Variants in LGR4 observed in about 807,000 individuals in gnomAD.
LGR4 encodes leucine rich repeat containing G protein-coupled receptor 4, also known as leucine-rich repeat-containing G protein-coupled receptor 4.
LGR4 carries 44 observed loss-of-function variants against 84.8 expected under a neutral mutation model. The ratio of observed to expected loss-of-function variants is 0.52; its 90% CI spans 0.41 to 0.67. The LOEUF is 0.67. Ranked by LOEUF, LGR4 falls within the 30% of genes least tolerant of loss-of-function variation. The pLI, the probability that LGR4 is intolerant of heterozygous loss-of-function variation, is 0.00. For synonymous variants in LGR4, 429 were observed against 434.3 expected, an observed-to-expected ratio of 0.99 and a Z score of 0.15; for missense variants, 1,032 against 1,131.4, an observed-to-expected ratio of 0.91 and a Z score of 1.26.
Position 27,385,240 on chromosome 11 carries a change from G to A in LGR4, c.617+13C>T, listed in dbSNP as rs750957326. The A allele has an allele frequency of 1.7e-5, 25 of 1,505,256 alleles. No individual in the cohort carries two copies. The highest frequency in any genetic ancestry group is 9.0e-7 in the Non-Finnish European group (1 of 1,111,444). 93.2% of individuals were successfully genotyped at this position (1,505,256 alleles called of 1,614,324 possible). ...AACACAAATATATGGAATTAAAAGG[G>A]ATAGATACTTACAGAACTACCAGGC... is the stretch of plus-strand genomic sequence containing the variant. On this transcript the variant is annotated intron_variant, in intron 5 of 17. Transcript: ENST00000379214.
At chr11:27,381,308 T>C (rs1863088071) in intron 7 of LGR4, among the ~76,000 whole-genome samples, 1 of 152,228 alleles carries the variant, frequency 6.6e-6, no homozygotes, top group African/African-American at 2.4e-5. Flanking sequence ...GCAATGCATC[T>C]TAGAATGTTA....
chr11:27,369,012 G>A lies in LGR4; in HGVS notation c.1711C>T (p.Pro571Ser), dbSNP rs765192487. Residue 571 changes from proline to serine, a missense_variant, in exon 18 of 18, where the codon CCT becomes TCT. By Grantham distance (74) the Pro-to-Ser change is moderately conservative (BLOSUM62 -1). Coordinates refer to ENST00000379214, the MANE Select transcript of LGR4 (RefSeq NM_018490.5). ...AAGCCTATAAACAATTTGGACGAAG[G>A]CAGTGATGTACAAGATGCAAATGTT... ...LTTFASCTSLPSSKLFIGLIS... is the reference protein window; with the variant it reads ...LTTFASCTSLSSSKLFIGLIS... 4.3e-6 allele frequency: 7 copies of A among 1,613,938 alleles called. No homozygotes were observed. The highest frequency in any genetic ancestry group is 4.2e-6 in the Non-Finnish European group (5 of 1,179,984).
At position 27,376,335 on chromosome 11, in the gene LGR4, T is replaced by C. The variant is rs761570797; in HGVS notation, c.1145A>G (p.Glu382Gly). ...AGATATCAGGCCTTGAAAGGTGCCT[T>C]CCTTTATTTGGTAGATTTGATTACG... is the stretch of plus-strand genomic sequence containing the variant. ...LQRNQIYQIKEGTFQGLISLR... is the reference protein window; with the variant it reads ...LQRNQIYQIKGGTFQGLISLR... Residue 382 changes from glutamate (E) to glycine (G), a missense_variant, in exon 13 of 18, where the codon GAA becomes GGA. Transcript: ENST00000379214. The C allele has an allele frequency of 1.9e-6, 3 of 1,581,914 alleles. No homozygotes were observed. The highest frequency in any genetic ancestry group is 2.6e-6 in the Non-Finnish European group (3 of 1,156,148).
intron 1 of LGR4, among the ~76,000 whole-genome samples, chr11:27,463,244 C>A (rs1200706782): frequency 6.6e-6 from 1 of 151,780 alleles, no homozygotes; most frequent in African/African-American, 2.4e-5. Context: ...ACAGTGAGAT[C>A]CTGTCTCAAA....
chr11:27,384,455 A>C, intron 5 of LGR4, 48 bp from the exon 6 acceptor site: 1 of 1,248,282 alleles, frequency 8.0e-7, no homozygotes, highest in Non-Finnish European at 1.2e-6. Flanking sequence ...TCCCATTGGC[A>C]ACTATTATCA....
intron 1 of LGR4, among the ~76,000 whole-genome samples, chr11:27,445,414 A>T (rs2133437671): frequency 6.6e-6 from 1 of 152,326 alleles, no homozygotes. Flanking sequence ...CTGAGCTTAA[A>T]ATGGAGATAA....
At chr11:27,427,081 G>T (rs934215244) in intron 1 of LGR4, among the ~76,000 whole-genome samples, 1 of 152,108 alleles carries the variant, frequency 6.6e-6, no homozygotes, top group African/African-American at 2.4e-5. Context: ...GTCTCTTCTT[G>T]CTTATTAATA....
intron 13 of LGR4, among the ~76,000 whole-genome samples, chr11:27,375,556 G>C (rs958555190): frequency 2.0e-5 from 3 of 152,146 alleles, no homozygotes; most frequent in Non-Finnish European, 4.4e-5. Context: ...TTCTTCTGTA[G>C]AAGGCCAGAT....
intron 1 of LGR4, among the ~76,000 whole-genome samples, chr11:27,459,200 GC>G (rs1185844816): frequency 3.3e-5 from 5 of 152,072 alleles, no homozygotes; most frequent in African/African-American, 1.2e-4. Context: ...TAAATATGTG[GC>G]TATATCTGAG....
intron 2 of LGR4, among the ~76,000 whole-genome samples, chr11:27,401,877 C>T (rs1392682841): frequency 1.3e-5 from 2 of 152,166 alleles, no homozygotes; most frequent in East Asian, 1.9e-4. Context: ...TAAGTACACA[C>T]TGACACACTT....
At chr11:27,396,731 T>C (rs1280123168) in intron 2 of LGR4, among the ~76,000 whole-genome samples, 1 of 152,160 alleles carries the variant, frequency 6.6e-6, no homozygotes, top group Admixed American at 6.5e-5. Flanking sequence ...ACCTTTTTCA[T>C]TGACTAAATC....
intron 1 of LGR4, among the ~76,000 whole-genome samples, chr11:27,455,944 G>C (rs1211229652): frequency 6.6e-6 from 1 of 152,168 alleles, no homozygotes; most frequent in Non-Finnish European, 1.5e-5. Context: ...GATAACACGT[G>C]TTACGCACTT....
At chr11:27,388,976 C>A (rs1000575575) in intron 4 of LGR4, among the ~76,000 whole-genome samples, 3 of 152,188 alleles carry the variant, frequency 2.0e-5, no homozygotes, top group Middle Eastern at 3.4e-3. Context: ...TTAGTATCAA[C>A]AATTGGCTTT....
chr11:27,453,371 G>A (rs908329397), intron 1 of LGR4, among the ~76,000 whole-genome samples: 2 of 152,086 alleles, frequency 1.3e-5, no homozygotes, highest in East Asian at 1.9e-4. Flanking sequence ...CCGGCCAAGA[G>A]GAACTTTTTA....
chr11:27,439,262 T>G lies in LGR4; in HGVS notation c.186-26402A>C, dbSNP rs544053920. 1.9e-4 allele frequency among the ~76,000 whole-genome samples: 29 copies of G among 152,330 alleles called. No individual in the cohort carries two copies. In the South Asian group the frequency reaches 5.6e-3, roughly 29 times the overall value. The stretch of plus-strand genomic sequence containing the variant: ...GCCCTTGGCATCCACCATGCTACTT[T>G]CTGTCTCTATGAATTTTGACTACTC... On this transcript the variant is annotated intron_variant, in intron 1 of 17. Transcript: ENST00000379214.
At chr11:27,451,927 T>C (rs568216749) in intron 1 of LGR4, among the ~76,000 whole-genome samples, 2 of 152,320 alleles carry the variant, frequency 1.3e-5, no homozygotes, top group South Asian at 4.1e-4. Context: ...AATTTGCATA[T>C]TGTACTTTCT....
chr11:27,414,260 T>A (rs1029337411), intron 1 of LGR4, among the ~76,000 whole-genome samples: 1 of 152,078 alleles, frequency 6.6e-6, no homozygotes, highest in East Asian at 1.9e-4. Flanking sequence ...AATACTTCTC[T>A]CCAGTGGTAG....
chr11:27,391,316 AT>A, intron 3 of LGR4, 151 bp from the exon 4 acceptor site: 1 of 563,832 alleles, frequency 1.8e-6, no homozygotes, highest in South Asian at 2.4e-5. Context: ...AGACAAGAGA[AT>A]TGCAAAACTT....
chr11:27,466,037 C>T (rs1021231053), intron 1 of LGR4, among the ~76,000 whole-genome samples: 1 of 152,112 alleles, frequency 6.6e-6, no homozygotes, highest in African/African-American at 2.4e-5. Flanking sequence ...TTGAAGGCCG[C>T]ACGGGACGGT....
Sources: gnomAD v4.1 joint callset for allele counts (sites outside exome capture counted in the v4.1 genomes callset) on GRCh38, gnomAD v4.1.1 for gene constraint, MANE v1.5 for transcripts, NCBI Gene and HGNC (gene_info 2026-07-23, HGNC 2026-07-21) for gene names.